Variants in LVRN observed in about 807,000 individuals in gnomAD.
LVRN encodes aminopeptidase Q.
In LVRN, 99 loss-of-function variants were observed where a neutral mutation model predicts 111.4. That is an observed-to-expected ratio of 0.89 (90% CI 0.76 to 1.05). LVRN has a LOEUF of 1.05. Among genes scored for constraint, LVRN ranks in the 50% least tolerant of loss-of-function variants. The probability of loss-of-function intolerance (pLI) is 0.00; values close to 1 mark genes in which losing one functional copy is unlikely to be tolerated. For missense variants in LVRN, 1,414 were observed against 1,206.8 expected, an observed-to-expected ratio of 1.17 and a Z score of -2.54; for synonymous variants, 488 against 449.5, an observed-to-expected ratio of 1.09 and a Z score of -1.08.
At position 116,010,908 on chromosome 5, in the gene LVRN, T is replaced by A; in HGVS notation, c.2247+14T>A. 6.5e-7 allele frequency: 1 copy of A among 1,530,578 alleles called. No individual in the cohort carries two copies. Among genetic ancestry groups the A allele is most frequent in the Non-Finnish European group, 8.8e-7 (1 of 1,140,978 alleles). 94.8% of individuals were successfully genotyped at this position (1,530,578 alleles called of 1,614,324 possible). A position where few individuals can be genotyped will look rare whatever the true frequency, so the allele number is the denominator to read the frequency against. On this transcript the variant is annotated intron_variant, in intron 14 of 19. Coordinates refer to ENST00000357872, the MANE Select transcript of LVRN (RefSeq NM_173800.5). ...TCATTATTAAAGGTAATTTCATTCT[T>A]TCTTATGTAGTTTTTAAATAAATCC...
chr5:115,980,033 G>A (rs1358106826), intron 1 of LVRN, among the ~76,000 whole-genome samples: 3 of 152,098 alleles, frequency 2.0e-5, no homozygotes. Flanking sequence ...GTGAGTCCAT[G>A]ATTCTCTTTC....
At chr5:116,013,430 G>A (rs781280497) in intron 15 of LVRN, among the ~76,000 whole-genome samples, 1 of 152,114 alleles carries the variant, frequency 6.6e-6, no homozygotes, top group African/African-American at 2.4e-5. Context: ...TCCTAAATTG[G>A]ACTGAAGTAG....
intron 1 of LVRN, among the ~76,000 whole-genome samples, chr5:115,967,937 T>A (rs1164338679): frequency 6.6e-6 from 1 of 152,238 alleles, no homozygotes; most frequent in Non-Finnish European, 1.5e-5. Context: ...TCTTGTATCC[T>A]GTTCTCTTGC....
intron 19 of LVRN, 26 bp from the exon 20 acceptor site, chr5:116,025,952 G>T: frequency 6.2e-7 from 1 of 1,612,558 alleles, no homozygotes; most frequent in South Asian, 1.1e-5. Flanking sequence ...GGATTGCACT[G>T]ATCATCTGTC....
At chr5:116,010,477 T>A (rs1440721046) in intron 13 of LVRN, 1 of 514,232 alleles carries the variant, frequency 1.9e-6, no homozygotes, top group Admixed American at 2.3e-5. Flanking sequence ...TTCTATTTCC[T>A]AATAATCAGT....
chr5:116,010,386 TTAGA>T, intron 13 of LVRN: 4 of 356,828 alleles, frequency 1.1e-5, no homozygotes, highest in African/African-American at 2.1e-5. Flanking sequence ...TGTCAGAGCA[TTAGA>T]TAGAGAATGA....
chr5:115,995,646 T>C (rs1341583418), intron 6 of LVRN: 1 of 152,194 alleles, frequency 6.6e-6, no homozygotes, highest in Non-Finnish European at 1.5e-5. Context: ...ATAACAACAA[T>C]AATACTGTAT....
chr5:115,968,921 G>A (rs1753260677), intron 1 of LVRN, among the ~76,000 whole-genome samples: 1 of 152,144 alleles, frequency 6.6e-6, no homozygotes, highest in Non-Finnish European at 1.5e-5. Context: ...TCCAAGATGT[G>A]ACTTTGAAAG....
At chr5:115,991,271 A>T (rs1747979555) in intron 4 of LVRN, among the ~76,000 whole-genome samples, 1 of 152,186 alleles carries the variant, frequency 6.6e-6, no homozygotes, top group African/African-American at 2.4e-5. Context: ...TGCCTGTTCC[A>T]GAATGTCATA....
At chr5:116,007,796 G>A (rs1466482912) in intron 13 of LVRN, among the ~76,000 whole-genome samples, 2 of 152,198 alleles carry the variant, frequency 1.3e-5, no homozygotes, top group South Asian at 2.1e-4. Context: ...ATGTGCTCAT[G>A]TTATGTCTCT....
intron 19 of LVRN, among the ~76,000 whole-genome samples, 179 bp from the exon 20 acceptor site, chr5:116,025,799 C>T (rs1748851975): frequency 6.6e-6 from 1 of 152,182 alleles, no homozygotes; most frequent in Non-Finnish European, 1.5e-5. Context: ...GTGTGGTGTT[C>T]ATCACATTGT....
At position 116,010,785 on chromosome 5, in the gene LVRN, A is replaced by G; in HGVS notation, c.2138A>G (p.Tyr713Cys). Reference protein sequence around the residue: ...EIETALELTKYLAEEDEIIVW... With the variant: ...EIETALELTKCLAEEDEIIVW... ...GAAACAGCACTTGAGTTAACCAAGT[A>G]CCTTGCTGAAGAAGATGAAATTATA... The change falls in exon 14 of 20, where the codon TAC becomes TGC. Residue 713 changes from tyrosine (Y) to cysteine (C), a missense_variant. Tyr to Cys is a radical substitution (Grantham distance 194). Coordinates refer to ENST00000357872, the MANE Select transcript of LVRN (RefSeq NM_173800.5). 1 of 1,609,704 alleles carries G rather than the reference A, an allele frequency of 6.2e-7. No individual in the cohort carries two copies. Among genetic ancestry groups the G allele is most frequent in the Non-Finnish European group, 8.5e-7 (1 of 1,178,578 alleles).
chr5:115,990,968 C>G (rs1747972928), intron 4 of LVRN, among the ~76,000 whole-genome samples: 1 of 152,108 alleles, frequency 6.6e-6, no homozygotes, highest in Non-Finnish European at 1.5e-5. Flanking sequence ...TTCTCTCTTT[C>G]CTTTCTTCTC....
chr5:116,025,133 A>T (rs1220038188), intron 19 of LVRN, among the ~76,000 whole-genome samples: 1 of 152,190 alleles, frequency 6.6e-6, no homozygotes, highest in African/African-American at 2.4e-5. Flanking sequence ...GCTGTTGGTT[A>T]CCACCTCCCG....
intron 1 of LVRN, among the ~76,000 whole-genome samples, chr5:115,979,845 T>A (rs1753525417): frequency 6.6e-6 from 1 of 152,210 alleles, no homozygotes; most frequent in African/African-American, 2.4e-5. Context: ...TCAGCACTTG[T>A]TAAGTAGAGC....
intron 9 of LVRN, among the ~76,000 whole-genome samples, 195 bp downstream of exon 9, chr5:116,000,853 G>C (rs1212119029): frequency 6.6e-6 from 1 of 152,222 alleles, no homozygotes; most frequent in East Asian, 1.9e-4. Context: ...GAATATGTTA[G>C]ATCAATAAAT....
intron 1 of LVRN, among the ~76,000 whole-genome samples, chr5:115,969,378 G>A (rs982046853): frequency 9.9e-5 from 15 of 151,656 alleles, no homozygotes; most frequent in African/African-American, 3.6e-4. Flanking sequence ...TTGTTTTTTA[G>A]TATGTTTTCT....
chr5:116,012,619 G>A (rs1031775642), intron 15 of LVRN, 151 bp downstream of exon 15: 3 of 532,680 alleles, frequency 5.6e-6, no homozygotes, highest in Non-Finnish European at 9.8e-6. Context: ...AGGTTGGTGG[G>A]CTACATGTAT....
chr5:115,971,518 A>T (rs1030950161), intron 1 of LVRN, among the ~76,000 whole-genome samples: 1 of 152,080 alleles, frequency 6.6e-6, no homozygotes, highest in African/African-American at 2.4e-5. Flanking sequence ...TGGATTAAAG[A>T]GTTTTTTTGC....
Sources: allele counts gnomAD v4.1 joint callset (sites outside exome capture counted in the v4.1 genomes callset), GRCh38; gene constraint gnomAD v4.1.1; transcripts MANE v1.5; gene names NCBI Gene and HGNC (gene_info 2026-07-23, HGNC 2026-07-21).